The following SPECC1 variants were observed in gnomAD, a reference collection of about 807,000 sequenced individuals.
SPECC1 encodes cytospin-B.
A neutral mutation model predicts 104.1 loss-of-function variants in SPECC1; 62 were observed. The observed-to-expected ratio is 0.60, with a 90% CI of 0.49 to 0.74. SPECC1 has a LOEUF of 0.74. Ranked by LOEUF, SPECC1 falls within the 30% of genes least tolerant of loss-of-function variation. SPECC1 has a pLI of 0.00. For missense variants in SPECC1, 1,306 were observed against 1,310.5 expected, an observed-to-expected ratio of 1.00 and a Z score of 0.05; for synonymous variants, 513 against 501.6, an observed-to-expected ratio of 1.02 and a Z score of -0.30.
At chr17:20,028,484 A>G (rs1318501661) in intron 1 of SPECC1, among the ~76,000 whole-genome samples, 4 of 152,074 alleles carry the variant, frequency 2.6e-5, no homozygotes, top group South Asian at 2.1e-4. Context: ...AAAAGAAAAA[A>G]AAAAAGAAAA....
intron 12 of SPECC1, among the ~76,000 whole-genome samples, chr17:20,265,094 G>A (rs564293029): frequency 2.6e-5 from 4 of 152,270 alleles, no homozygotes; most frequent in South Asian, 2.1e-4. Flanking sequence ...GAACATACGA[G>A]TGGTAGAACG....
Position 20,204,579 on chromosome 17 carries a change from C to G in SPECC1, c.530C>G (p.Ala177Gly), listed in dbSNP as rs1567935433. Residue 177 changes from alanine to glycine, a missense_variant, in exon 4 of 15, where the codon GCC (alanine) becomes GGC (glycine). Transcript: ENST00000395527. ...ESQVRELLAE[A>G]KAKDSEINRL... ...CAAGTTCGGGAACTTTTGGCAGAAG[C>G]CAAAGCAAAAGATAGTGAAATTAAC... 4 of 1,613,998 alleles carry G rather than the reference C, an allele frequency of 2.5e-6. No individual in the cohort carries two copies. Among genetic ancestry groups the G allele is most frequent in the Non-Finnish European group, 8.5e-7 (1 of 1,180,036 alleles).
chr17:20,110,702 C>A, intron 3 of SPECC1, 140 bp downstream of exon 3: 1 of 1,045,900 alleles, frequency 9.6e-7, no homozygotes, highest in Non-Finnish European at 1.3e-6. Flanking sequence ...CTGTTTTAGG[C>A]AGACGATGTC....
intron 12 of SPECC1, among the ~76,000 whole-genome samples, chr17:20,275,219 T>C (rs2040536246): frequency 6.6e-6 from 1 of 152,358 alleles, no homozygotes; most frequent in Non-Finnish European, 1.5e-5. Flanking sequence ...GGTCATGGTA[T>C]ACTATTCCTG....
At chr17:20,112,852 T>C (rs1327308064) in intron 3 of SPECC1, 10 of 1,591,726 alleles carry the variant, frequency 6.3e-6, no homozygotes, top group Non-Finnish European at 7.7e-6. Context: ...GAGGAGCAAC[T>C]CTGGCAGGAA....
intron 1 of SPECC1, among the ~76,000 whole-genome samples, chr17:20,073,164 C>T (rs2046625889): frequency 6.6e-6 from 1 of 152,142 alleles, no homozygotes; most frequent in Non-Finnish European, 1.5e-5. Context: ...TCACCAGAAG[C>T]CCCTGCTGTG....
At chr17:20,130,106 T>G (rs186681740) in intron 3 of SPECC1, among the ~76,000 whole-genome samples, 217 of 152,338 alleles carry the variant, frequency 1.4e-3, no homozygotes, top group Non-Finnish European at 2.7e-3. Context: ...GAAAGTCTTA[T>G]AGTTTTACAT....
In SPECC1 at chr17:20,096,676, A is replaced by C. The variant is rs373746203; in HGVS notation, c.25A>C (p.Asn9His). The change falls in exon 2 of 15, where the codon AAC becomes CAC. Residue 9 changes from asparagine to histidine, a missense_variant. Asn to His is a moderately conservative substitution (Grantham distance 68). This residue lies in a region of SPECC1 where 1,177 missense variants were observed against 1,139.9 expected (regional missense o/e 1.03). Transcript: ENST00000395527. MRSAAKPW[N>H]PAIRAGGHGP... is the part of the protein sequence containing the mutation. ...CATGCGGAGTGCAGCCAAGCCCTGGAACCCAGCCATCAGAGCAGGGGGCCA... is the reference window on the plus strand; with the variant it reads ...CATGCGGAGTGCAGCCAAGCCCTGGCACCCAGCCATCAGAGCAGGGGGCCA... 10 of 1,613,854 alleles carry C rather than the reference A, an allele frequency of 6.2e-6. No homozygotes were observed. The African/African-American group carries it at 1.3e-4, about 22-fold the overall frequency.
At chr17:20,207,070 C>A (rs1205028064) in intron 4 of SPECC1, among the ~76,000 whole-genome samples, 1 of 152,158 alleles carries the variant, frequency 6.6e-6, no homozygotes, top group Non-Finnish European at 1.5e-5. Context: ...GAGAGATGGC[C>A]TCCTATTTCT....
At chr17:20,280,546 C>T (rs1227379193) in intron 12 of SPECC1, among the ~76,000 whole-genome samples, 1 of 152,208 alleles carries the variant, frequency 6.6e-6, no homozygotes, top group Non-Finnish European at 1.5e-5. Flanking sequence ...GGGGGAAATA[C>T]ACATGCATGT....
chr17:20,255,492 TAA>T (rs1399295673), intron 10 of SPECC1, among the ~76,000 whole-genome samples: 1 of 152,242 alleles, frequency 6.6e-6, no homozygotes, highest in Admixed American at 6.5e-5. Flanking sequence ...GTGAACTAGG[TAA>T]GCCTTTGGTA....
chr17:20,276,834 G>A (rs1029674854), intron 12 of SPECC1, among the ~76,000 whole-genome samples: 3 of 152,218 alleles, frequency 2.0e-5, no homozygotes, highest in Admixed American at 6.5e-5. Flanking sequence ...CAGCCCCGTC[G>A]GCCCCTTTGG....
intron 1 of SPECC1, among the ~76,000 whole-genome samples, chr17:20,066,175 T>C (rs549585387): frequency 2.6e-4 from 40 of 152,310 alleles, no homozygotes; most frequent in African/African-American, 9.1e-4. Context: ...TGCCCTTTCA[T>C]CCTGAATCAT....
intron 3 of SPECC1, among the ~76,000 whole-genome samples, chr17:20,152,767 G>C (rs575179754): frequency 6.6e-6 from 1 of 152,278 alleles, no homozygotes; most frequent in South Asian, 2.1e-4. Context: ...TGCCTCCCGG[G>C]TTCAAGCGAT....
intron 1 of SPECC1, among the ~76,000 whole-genome samples, chr17:20,080,521 G>A (rs953470385): frequency 6.6e-6 from 1 of 152,018 alleles, no homozygotes; most frequent in Non-Finnish European, 1.5e-5. Context: ...ACAAGTGCCC[G>A]ACATAAATGG....
chr17:20,176,143 TGCTA>T (rs1035676929), intron 3 of SPECC1, among the ~76,000 whole-genome samples: 4 of 152,218 alleles, frequency 2.6e-5, no homozygotes, highest in East Asian at 1.9e-4. Flanking sequence ...CTTGCTTGCT[TGCTA>T]CATTCCCCTC....
Position 20,054,355 on chromosome 17 carries a change from C to T in SPECC1, c.-21-42276C>T, listed in dbSNP as rs140780698. ...AGGGTGTTCAGCCATCAAAAATAGCCGGTGGGTCCCAGAATCTCCCACGGC... is the reference window on the plus strand; with the variant it reads ...AGGGTGTTCAGCCATCAAAAATAGCTGGTGGGTCCCAGAATCTCCCACGGC... On this transcript the variant is annotated intron_variant, in intron 1 of 14. Transcript: ENST00000395527. 3.3e-3 allele frequency among the ~76,000 whole-genome samples: 505 copies of T among 152,314 alleles called. 3 individuals carry two copies. The highest frequency in any genetic ancestry group is 0.011 in the African/African-American group (471 of 41,556).
intron 14 of SPECC1, among the ~76,000 whole-genome samples, chr17:20,312,183 G>T (rs1353300503): frequency 6.6e-6 from 1 of 152,070 alleles, no homozygotes; most frequent in Non-Finnish European, 1.5e-5. Flanking sequence ...GTGTAGAATT[G>T]GTATTATTTC....
intron 10 of SPECC1, among the ~76,000 whole-genome samples, chr17:20,254,037 A>T (rs2039729908): frequency 6.6e-6 from 1 of 151,668 alleles, no homozygotes; most frequent in Admixed American, 6.6e-5. Context: ...AAAAAATCTT[A>T]CCTGATTTTG....
Sources: allele counts gnomAD v4.1 joint callset (sites outside exome capture counted in the v4.1 genomes callset), GRCh38; gene constraint gnomAD v4.1.1; regional missense constraint gnomAD v4.1.1; transcripts MANE v1.5; gene names NCBI Gene and HGNC (gene_info 2026-07-23, HGNC 2026-07-21).